Variants in RSPO2 observed in about 807,000 individuals in gnomAD.
The protein encoded by RSPO2 is R-spondin-2.
Under a neutral mutation model 30.9 loss-of-function variants are expected in RSPO2, and 14 were observed. That is an observed-to-expected ratio of 0.45 (90% CI 0.30 to 0.71). The LOEUF is 0.71. Ranked by LOEUF, RSPO2 falls within the 30% of genes least tolerant of loss-of-function variation. The probability of loss-of-function intolerance (pLI) is 0.08; values close to 1 mark genes in which losing one functional copy is unlikely to be tolerated. For missense variants in RSPO2, 264 were observed against 301.9 expected (o/e 0.87, Z 0.93); for synonymous variants, 107 against 96.4 (o/e 1.11, Z -0.64).
intron 2 of RSPO2, among the ~76,000 whole-genome samples, chr8:108,077,494 C>A (rs924255376): frequency 6.6e-6 from 1 of 152,088 alleles, no homozygotes; most frequent in African/African-American, 2.4e-5. Flanking sequence ...CCTGCCACCC[C>A]CTTTCCCACC....
chr8:108,081,939 G>T, intron 2 of RSPO2: 2 of 979,796 alleles, frequency 2.0e-6, no homozygotes, highest in South Asian at 9.6e-5. Context: ...CCATCTCGTC[G>T]CAGTTTCCAG....
intron 2 of RSPO2, among the ~76,000 whole-genome samples, chr8:108,036,745 G>C (rs1213003067): frequency 6.6e-6 from 1 of 152,198 alleles, no homozygotes; most frequent in Non-Finnish European, 1.5e-5. Flanking sequence ...CTTACGTCAA[G>C]TCTATTGGCA....
At chr8:108,021,517 G>A (rs923569204) in intron 2 of RSPO2, among the ~76,000 whole-genome samples, 1 of 152,104 alleles carries the variant, frequency 6.6e-6, no homozygotes, top group African/African-American at 2.4e-5. Flanking sequence ...CACAACACAG[G>A]TGGGAAACAT....
chr8:107,974,482 C>A (rs1018583904), intron 3 of RSPO2, among the ~76,000 whole-genome samples: 1 of 152,116 alleles, frequency 6.6e-6, no homozygotes, highest in African/African-American at 2.4e-5. Flanking sequence ...CCACTGCACT[C>A]CAGTCTGGGC....
intron 5 of RSPO2, among the ~76,000 whole-genome samples, chr8:107,906,412 TA>T (rs1415065094): frequency 1.2e-5 from 1 of 84,084 alleles, no homozygotes; most frequent in Non-Finnish European, 2.9e-5. Context: ...TTTTATATTT[TA>T]AGTAATAACA....
At chr8:107,939,200 C>G (rs1313436013) in intron 5 of RSPO2, among the ~76,000 whole-genome samples, 4 of 151,972 alleles carry the variant, frequency 2.6e-5, no homozygotes, top group African/African-American at 9.7e-5. Context: ...CATATGGCCA[C>G]CGGCAGGAAC....
At chr8:107,985,691 A>G (rs952340262) in intron 3 of RSPO2, among the ~76,000 whole-genome samples, 4 of 152,202 alleles carry the variant, frequency 2.6e-5, no homozygotes, top group Non-Finnish European at 5.9e-5. Context: ...TATTTAGAAC[A>G]ATTTAAAGAA....
intron 5 of RSPO2, among the ~76,000 whole-genome samples, chr8:107,949,876 A>G (rs897906243): frequency 1.3e-5 from 2 of 152,200 alleles, no homozygotes; most frequent in Admixed American, 6.5e-5. Context: ...TGATTTTTTT[A>G]AAGTCCTGAA....
At chr8:108,017,438 G>C (rs928930876) in intron 2 of RSPO2, among the ~76,000 whole-genome samples, 7 of 152,264 alleles carry the variant, frequency 4.6e-5, no homozygotes, top group Admixed American at 1.3e-4. Context: ...GAAAAGAAGT[G>C]GGCTCTTGTG....
intron 2 of RSPO2, among the ~76,000 whole-genome samples, chr8:108,001,645 T>C (rs1235222430): frequency 6.6e-6 from 1 of 152,064 alleles, no homozygotes; most frequent in African/African-American, 2.4e-5. Flanking sequence ...AAACATAGGA[T>C]GGTTGGGTGT....
rs539919947 is a variant in RSPO2 at position 108,073,941 on chromosome 8, C to T, written c.94+8604G>A. On this transcript the variant is annotated intron_variant, in intron 2 of 5. Transcript: ENST00000276659. ...TTGGCATCATGCTAATTTGGAAGGT[C>T]CACCTCCTATTTTTTAAGCCAATGC... Among the ~76,000 whole-genome samples the T allele has an allele frequency of 3.9e-5, 6 of 152,242 alleles. 1 individual carries two copies. Among genetic ancestry groups the T allele is most frequent in the African/African-American group, 1.4e-4 (6 of 41,542 alleles).
intron 2 of RSPO2, among the ~76,000 whole-genome samples, chr8:107,996,054 T>C (rs958165323): frequency 6.6e-5 from 10 of 152,056 alleles, no homozygotes; most frequent in African/African-American, 2.2e-4. Flanking sequence ...AGGGTGTAAG[T>C]GAGTGAGGTT....
chr8:107,952,492 T>A (rs913471783), intron 5 of RSPO2, among the ~76,000 whole-genome samples: 3 of 152,172 alleles, frequency 2.0e-5, no homozygotes, highest in African/African-American at 7.2e-5. Flanking sequence ...CACATAAAAA[T>A]TTTAATATCG....
At chr8:108,070,005 T>C (rs929635620) in intron 2 of RSPO2, among the ~76,000 whole-genome samples, 14 of 152,202 alleles carry the variant, frequency 9.2e-5, no homozygotes, top group Non-Finnish European at 1.5e-4. Context: ...CATATTGAAA[T>C]CTCAAAGTTT....
intron 2 of RSPO2, among the ~76,000 whole-genome samples, chr8:107,992,305 C>T (rs1224806377): frequency 6.6e-6 from 1 of 151,934 alleles, no homozygotes; most frequent in Admixed American, 6.6e-5. Context: ...AACACAGAAA[C>T]AGAAAACAAA....
intron 2 of RSPO2, among the ~76,000 whole-genome samples, chr8:108,025,021 A>C (rs1275524882): frequency 2.0e-5 from 3 of 152,206 alleles, no homozygotes; most frequent in East Asian, 1.9e-4. Flanking sequence ...CTGTCTCAAA[A>C]AAGCAAGGAT....
chr8:108,009,198 T>A (rs779760577), intron 2 of RSPO2, among the ~76,000 whole-genome samples: 6 of 152,198 alleles, frequency 3.9e-5, no homozygotes, highest in Non-Finnish European at 7.4e-5. Context: ...TTATTGAACT[T>A]TTCCTTTGTA....
At chr8:108,056,505 C>T (rs372531166) in intron 2 of RSPO2, among the ~76,000 whole-genome samples, 1 of 150,716 alleles carries the variant, frequency 6.6e-6, no homozygotes, top group African/African-American at 2.5e-5. Flanking sequence ...CATCTGTGGT[C>T]CCGGCTACTT....
rs1293055385 is a variant in RSPO2, at chr8:107,926,433, T to C, written c.617-25243A>G. 9.8e-5 allele frequency among the ~76,000 whole-genome samples: 15 copies of C among 152,290 alleles called. No individual in the cohort carries two copies. In the East Asian group the frequency reaches 2.5e-3, roughly 25 times the overall value. ...AGATCCCATTTGTCAATTTTGGCTT[T>C]TGTTGCCATTGCTTTCGGTGTTTTA... On this transcript the variant is annotated intron_variant, in intron 5 of 5. Transcript: ENST00000276659.
Sources: gnomAD v4.1 joint callset for allele counts (sites outside exome capture counted in the v4.1 genomes callset) on GRCh38, gnomAD v4.1.1 for gene constraint, MANE v1.5 for transcripts, NCBI Gene and HGNC (gene_info 2026-07-23, HGNC 2026-07-21) for gene names.